The following TBCD variants were observed in gnomAD, a reference collection of about 807,000 sequenced individuals.
TBCD encodes tubulin-specific chaperone D.
TBCD carries 105 observed loss-of-function variants against 169.3 expected under a neutral mutation model. The observed-to-expected ratio is 0.62, with a 90% CI of 0.53 to 0.73. The LOEUF is 0.73. Among genes scored for constraint, TBCD ranks in the 30% least tolerant of loss-of-function variants. The pLI is 0.00. For missense variants in TBCD, 1,444 were observed against 1,600.1 expected (o/e 0.90, Z 1.66); for synonymous variants, 700 against 643.9 (o/e 1.09, Z -1.32).
intron 13 of TBCD, among the ~76,000 whole-genome samples, chr17:82,825,032 A>G (rs552428117): frequency 6.6e-6 from 1 of 152,206 alleles, no homozygotes; most frequent in South Asian, 2.1e-4. Context: ...TGGGTGAGCT[A>G]TTGCAGATGA....
At chr17:82,862,622 G>A (rs2056860585) in intron 13 of TBCD, among the ~76,000 whole-genome samples, 1 of 152,224 alleles carries the variant, frequency 6.6e-6, no homozygotes, top group Non-Finnish European at 1.5e-5. Flanking sequence ...TTCAGTGAAT[G>A]GGTAGGTTAT....
intron 22 of TBCD, among the ~76,000 whole-genome samples, chr17:82,909,955 G>T (rs185443359): frequency 1.3e-5 from 2 of 152,338 alleles, no homozygotes; most frequent in African/African-American, 4.8e-5. Flanking sequence ...CACACAGTAG[G>T]AAGCCTTTGG....
At chr17:82,761,037 G>A (rs1278825244) in intron 2 of TBCD, among the ~76,000 whole-genome samples, 1 of 151,408 alleles carries the variant, frequency 6.6e-6, no homozygotes, top group Admixed American at 6.6e-5. Context: ...TTGGCTCACT[G>A]CAACCTCCTT....
chr17:82,830,673 C>T, intron 13 of TBCD: 3 of 1,614,124 alleles, frequency 1.9e-6, no homozygotes, highest in Non-Finnish European at 2.5e-6. Flanking sequence ...GTGGAAGGTC[C>T]TGCAGCTCTG....
intron 12 of TBCD, among the ~76,000 whole-genome samples, 188 bp from the exon 13 acceptor site, chr17:82,814,652 A>T (rs1273882007): frequency 6.6e-5 from 10 of 152,196 alleles, no homozygotes; most frequent in Non-Finnish European, 8.8e-5. Flanking sequence ...AGTAGCTGGG[A>T]TTATAGGCGT....
intron 13 of TBCD, among the ~76,000 whole-genome samples, chr17:82,850,047 G>GTTCTT (rs2055568796): frequency 1.3e-5 from 1 of 77,078 alleles, no homozygotes; most frequent in Non-Finnish European, 2.8e-5. Flanking sequence ...TGTTGGCTGT[G>GTTCTT]CTGTTGTTGG....
intron 13 of TBCD, among the ~76,000 whole-genome samples, chr17:82,852,058 G>C (rs2055838066): frequency 6.6e-6 from 1 of 152,108 alleles, no homozygotes; most frequent in South Asian, 2.1e-4. Context: ...GGCTTGTAAC[G>C]CATTTGCAGA....
intron 16 of TBCD, among the ~76,000 whole-genome samples, chr17:82,891,191 C>T (rs541216644): frequency 6.6e-6 from 1 of 152,370 alleles, no homozygotes; most frequent in Non-Finnish European, 1.5e-5. Flanking sequence ...AGCTGACCAG[C>T]CTCCCTGTGT....
chr17:82,803,505 G>A (rs2050725605), intron 9 of TBCD, among the ~76,000 whole-genome samples: 1 of 152,190 alleles, frequency 6.6e-6, no homozygotes, highest in Admixed American at 6.5e-5. Flanking sequence ...TGTCTCAGCA[G>A]CTCTCTTCTC....
At chr17:82,849,608 C>G (rs2055480365) in intron 13 of TBCD, among the ~76,000 whole-genome samples, 1 of 152,232 alleles carries the variant, frequency 6.6e-6, no homozygotes, top group Non-Finnish European at 1.5e-5. Context: ...CTAGCAATCA[C>G]TAGGCATTGT....
chr17:82,755,042 G>T (rs527631640), intron 1 of TBCD, among the ~76,000 whole-genome samples: 3 of 152,358 alleles, frequency 2.0e-5, no homozygotes, highest in African/African-American at 7.2e-5. Flanking sequence ...TTAGGGAGAC[G>T]TGAGACATCA....
Position 82,942,659 on chromosome 17 carries a change from T to C in TBCD, c.*196T>C. ...GTGACTTGGGGTGGACGCCTCTGCC[T>C]TCACTTGAACACAAATGTGCTTCCT... is the stretch of plus-strand genomic sequence containing the variant. On this transcript the variant is annotated 3_prime_UTR_variant, in exon 39 of 39. Coordinates refer to ENST00000355528, the MANE Select transcript of TBCD (RefSeq NM_005993.5). 1 of 650,016 alleles carries C rather than the reference T, an allele frequency of 1.5e-6. No homozygotes were observed. 40.3% of individuals were successfully genotyped at this position (650,016 alleles called of 1,614,324 possible).
chr17:82,830,605 C>T, intron 13 of TBCD: 1 of 1,614,000 alleles, frequency 6.2e-7, no homozygotes. Context: ...TCGTGGTCGA[C>T]CGGGGAAGGC....
In TBCD at chr17:82,903,615, T is replaced by A; in HGVS notation, c.1804+137T>A. 1 of 923,220 alleles carries A rather than the reference T, an allele frequency of 1.1e-6. No individual in the cohort carries two copies. Among genetic ancestry groups the A allele is most frequent in the Non-Finnish European group, 1.6e-6 (1 of 614,766 alleles). 57.2% of individuals were successfully genotyped at this position (923,220 alleles called of 1,614,324 possible). On this transcript the variant is annotated intron_variant, in intron 19 of 38. Coordinates refer to ENST00000355528, the MANE Select transcript of TBCD (RefSeq NM_005993.5). This position sits in a 1 kb window ranked among gnomAD's most constrained non-coding sequence, Gnocchi z 4.8. Reference sequence around the variant, plus strand: ...TGAGAAGCATCTGAGGAAAGAGCTGTGGACTTGATCAGTGGATAGGCTGTG... The same window carrying A: ...TGAGAAGCATCTGAGGAAAGAGCTGAGGACTTGATCAGTGGATAGGCTGTG...
rs764253580 is a variant in TBCD, at chr17:82,927,276, C to G, written c.2562C>G (p.Gly854=). The change falls in exon 29 of 39, where the codon GGC becomes GGG. Residue 854 remains glycine (G), a synonymous_variant. Coordinates refer to ENST00000355528, the MANE Select transcript of TBCD (RefSeq NM_005993.5). ...NVSQIYCALL[G]CMDDYTTDSR... ...CCCAGATTTACTGTGCGCTGCTGGGCTGCATGGACGACTACACCACGGACA... is the reference window on the plus strand; with the variant it reads ...CCCAGATTTACTGTGCGCTGCTGGGGTGCATGGACGACTACACCACGGACA... The G allele has an allele frequency of 1.4e-5, 22 of 1,613,904 alleles. No homozygotes were observed. The highest frequency in any genetic ancestry group is 1.8e-5 in the Non-Finnish European group (21 of 1,179,904).
At chr17:82,753,405 C>A (rs932613103) in intron 1 of TBCD, among the ~76,000 whole-genome samples, 50 of 149,688 alleles carry the variant, frequency 3.3e-4, no homozygotes, top group Non-Finnish European at 6.8e-4. Flanking sequence ...ACCAGTGAAG[C>A]CAGATTTTTT....
chr17:82,915,534 G>T lies in TBCD; in HGVS notation c.2038+3745G>T, dbSNP rs2060967611. Among the ~76,000 whole-genome samples, 1 of 152,192 alleles carries T rather than the reference G, an allele frequency of 6.6e-6. No homozygotes were observed. The highest frequency in any genetic ancestry group is 6.5e-5 in the Admixed American group (1 of 15,282). ...TTGCATTTCATGCTTTAGAATCAAA[G>T]GAAAGAAACAGGAACTCTGTTTAGT... On this transcript the variant is annotated intron_variant, in intron 23 of 38. Transcript: ENST00000355528. This position sits in a 1 kb window ranked among gnomAD's most constrained non-coding sequence, Gnocchi z 4.3.
chr17:82,755,042 G>C (rs527631640), intron 1 of TBCD, among the ~76,000 whole-genome samples: 3 of 152,240 alleles, frequency 2.0e-5, no homozygotes, highest in Admixed American at 6.5e-5. Flanking sequence ...TTAGGGAGAC[G>C]TGAGACATCA....
intron 1 of TBCD, among the ~76,000 whole-genome samples, chr17:82,755,122 G>C (rs1001339376): frequency 1.3e-5 from 2 of 152,200 alleles, no homozygotes; most frequent in African/African-American, 2.4e-5. Context: ...AGGGCGTCCA[G>C]GGCATTGGTG....
Sources: allele counts gnomAD v4.1 joint callset (sites outside exome capture counted in the v4.1 genomes callset), GRCh38; gene constraint gnomAD v4.1.1; non-coding constraint Gnocchi (gnomAD v3.1); transcripts MANE v1.5; gene names NCBI Gene and HGNC (gene_info 2026-07-23, HGNC 2026-07-21).